SYNE1: variants seen among roughly 807,000 people sequenced by gnomAD.
The protein encoded by SYNE1 is spectrin repeat containing nuclear envelope protein 1.
In SYNE1, 616 loss-of-function variants were observed where a neutral mutation model predicts 1,111.0. The ratio of observed to expected loss-of-function variants is 0.55; its 90% CI spans 0.52 to 0.59. SYNE1 has a LOEUF of 0.59. Among genes scored for constraint, SYNE1 ranks in the 20% least tolerant of loss-of-function variants. The pLI, the probability that SYNE1 is intolerant of heterozygous loss-of-function variation, is 0.00. For missense variants in SYNE1, 10,006 were observed against 10,417.0 expected (o/e 0.96, Z 1.72); for synonymous variants, 3,855 against 3,825.8 (o/e 1.01, Z -0.28).
rs2092854878 is a variant in SYNE1 at position 152,267,911 on chromosome 6, A to C, written c.18815+145T>G. On this transcript the variant is annotated intron_variant, in intron 100 of 145. Coordinates refer to ENST00000367255, the MANE Select transcript of SYNE1 (RefSeq NM_182961.4). The stretch of plus-strand genomic sequence containing the variant: ...CAATGCAACAGAATGTTCAAAATGC[A>C]GGTACATTTACTACCCTAAAGTAAA... 4.1e-6 allele frequency: 3 copies of C among 736,580 alleles called. No homozygotes were observed. In the South Asian group the frequency reaches 4.6e-5, roughly 11 times the overall value. 45.6% of individuals were successfully genotyped at this position (736,580 alleles called of 1,614,324 possible). A position where few individuals can be genotyped will look rare whatever the true frequency, so the allele number is the denominator to read the frequency against.
At chr6:152,537,642 G>A (rs1278988437) in intron 4 of SYNE1, among the ~76,000 whole-genome samples, 1 of 152,032 alleles carries the variant, frequency 6.6e-6, no homozygotes. Context: ...TTGCAACTGA[G>A]CAAAGCAGTC....
chr6:152,273,217 G>A (rs2093342711), intron 98 of SYNE1, among the ~76,000 whole-genome samples: 2 of 152,218 alleles, frequency 1.3e-5, no homozygotes, highest in South Asian at 4.1e-4. Context: ...AGGATCTGCT[G>A]GGTGTGGACA....
At chr6:152,271,955 A>G (rs1223615956) in intron 98 of SYNE1, among the ~76,000 whole-genome samples, 1 of 152,162 alleles carries the variant, frequency 6.6e-6, no homozygotes, top group Non-Finnish European at 1.5e-5. Context: ...TGAGCCCAAC[A>G]CGCTCTTCTA....
intron 30 of SYNE1, among the ~76,000 whole-genome samples, chr6:152,444,077 A>G (rs575566822): frequency 6.6e-6 from 1 of 152,364 alleles, no homozygotes; most frequent in East Asian, 1.9e-4. Flanking sequence ...TGGTCCATCT[A>G]TGCCTTTCCA....
intron 14 of SYNE1, among the ~76,000 whole-genome samples, chr6:152,479,751 T>A (rs2098870810): frequency 6.6e-6 from 1 of 152,214 alleles, no homozygotes; most frequent in African/African-American, 2.4e-5. Context: ...ATAGAAAAGA[T>A]AATACAGGTA....
chr6:152,178,604 T>C (rs2067072569), intron 129 of SYNE1, among the ~76,000 whole-genome samples: 1 of 152,182 alleles, frequency 6.6e-6, no homozygotes, highest in Non-Finnish European at 1.5e-5. Flanking sequence ...TAGAAATAAT[T>C]TTTCCTAATA....
At chr6:152,290,655 G>A (rs1045128993) in intron 95 of SYNE1, among the ~76,000 whole-genome samples, 1 of 152,128 alleles carries the variant, frequency 6.6e-6, no homozygotes, top group African/African-American at 2.4e-5. Flanking sequence ...AAGGAAAAAT[G>A]TAGGAATTAG....
At chr6:152,493,335 C>CTGGATTTCAAAGATG in intron 11 of SYNE1, among the ~76,000 whole-genome samples, 1 of 152,136 alleles carries the variant, frequency 6.6e-6, no homozygotes, top group South Asian at 2.1e-4. Flanking sequence ...CTCCACAACC[C>CTGGATTTCAAAGATG]CTTATTCTGT....
At chr6:152,196,581 T>C (rs1411802926) in intron 127 of SYNE1, among the ~76,000 whole-genome samples, 2 of 152,138 alleles carry the variant, frequency 1.3e-5, no homozygotes, top group South Asian at 2.1e-4. Context: ...GTCTGGAAAC[T>C]AGGGCATGGA....
intron 75 of SYNE1, among the ~76,000 whole-genome samples, chr6:152,337,872 G>T (rs1252534228): frequency 6.6e-6 from 1 of 152,182 alleles, no homozygotes; most frequent in African/African-American, 2.4e-5. Context: ...CATTGGCTGG[G>T]AATGGTGGCT....
At chr6:152,511,451 C>T (rs1221809263) in intron 6 of SYNE1, 1 of 859,484 alleles carries the variant, frequency 1.2e-6, no homozygotes, top group Non-Finnish European at 1.9e-6. Context: ...TTAAAAGAAA[C>T]TGCAATGAGA....
intron 106 of SYNE1, among the ~76,000 whole-genome samples, chr6:152,243,204 T>C (rs998818363): frequency 6.6e-6 from 1 of 152,184 alleles, no homozygotes; most frequent in African/African-American, 2.4e-5. Context: ...ATTTTTATAG[T>C]ATTCTCAACA....
At chr6:152,151,909 C>T in intron 134 of SYNE1, 50 bp downstream of exon 134, 1 of 1,601,040 alleles carries the variant, frequency 6.2e-7, no homozygotes, top group Non-Finnish European at 8.5e-7. Flanking sequence ...ATTCAAATGG[C>T]CCAGTCCCAT....
At chr6:152,202,346 C>CAAAAAA (rs35563822) in intron 126 of SYNE1, among the ~76,000 whole-genome samples, 2 of 48,046 alleles carry the variant, frequency 4.2e-5, no homozygotes, top group African/African-American at 6.5e-5. Flanking sequence ...GACTCTGTCT[C>CAAAAAA]AAAAAAAAAA....
intron 25 of SYNE1, among the ~76,000 whole-genome samples, chr6:152,451,725 C>T (rs367666772): frequency 2.0e-5 from 3 of 152,106 alleles, no homozygotes; most frequent in East Asian, 3.9e-4. Context: ...AGGTGATCCA[C>T]CCACCTCAGA....
At chr6:152,593,777 G>A (rs1219349274) in intron 3 of SYNE1, among the ~76,000 whole-genome samples, 1 of 151,920 alleles carries the variant, frequency 6.6e-6, no homozygotes, top group African/African-American at 2.4e-5. Context: ...TTAGAGTTTG[G>A]GGCCTTTATT....
intron 3 of SYNE1, among the ~76,000 whole-genome samples, chr6:152,598,509 T>C (rs547083859): frequency 6.6e-6 from 1 of 152,366 alleles, no homozygotes; most frequent in Non-Finnish European, 1.5e-5. Flanking sequence ...AGTAATTTAA[T>C]TAAGTCACAT....
chr6:152,358,323 T>A, intron 66 of SYNE1, 50 bp downstream of exon 66: 1 of 1,612,748 alleles, frequency 6.2e-7, no homozygotes, highest in East Asian at 2.2e-5. Context: ...AAATAATAAT[T>A]CCATATTCAG....
At chr6:152,376,281 C>G (rs562026178) in intron 58 of SYNE1, 100 bp downstream of exon 58, 1 of 1,326,682 alleles carries the variant, frequency 7.5e-7, no homozygotes, top group Non-Finnish European at 1.1e-6. Flanking sequence ...GGCCAGGGAC[C>G]TGTACCAGTC....
Sources: allele counts gnomAD v4.1 joint callset (sites outside exome capture counted in the v4.1 genomes callset), GRCh38; gene constraint gnomAD v4.1.1; transcripts MANE v1.5; gene names NCBI Gene and HGNC (gene_info 2026-07-23, HGNC 2026-07-21).